Variants in LOC400499 observed in about 807,000 individuals in gnomAD.
the LOC400499 span, among the ~76,000 whole-genome samples, chr16:11,502,704 T>C: frequency 6.6e-6 from 1 of 150,412 alleles, no homozygotes; most frequent in Non-Finnish European, 1.5e-5. Flanking sequence ...AACCTCCACC[T>C]CCTGGGTTCT....
the LOC400499 span, among the ~76,000 whole-genome samples, chr16:11,481,534 G>C: frequency 6.6e-6 from 1 of 152,168 alleles, no homozygotes; most frequent in African/African-American, 2.4e-5. Flanking sequence ...TGATGGCCAG[G>C]CTGGTCTCGA....
the LOC400499 span, chr16:11,402,108 G>C: frequency 2.5e-6 from 1 of 399,148 alleles, no homozygotes; most frequent in Non-Finnish European, 4.4e-6. Context: ...GAGGACAGGC[G>C]GAGGCTGCAG....
the LOC400499 span, among the ~76,000 whole-genome samples, chr16:11,381,816 C>CATGTTCTTCCTTCTTTCCACCCTCTTCG: frequency 6.6e-6 from 1 of 151,980 alleles, no homozygotes; most frequent in Non-Finnish European, 1.5e-5. Context: ...CACCCTCTTC[C>CATGTTCTTCCTTCTTTCCACCCTCTTCG]TTAGCTTTTA....
At chr16:11,465,010 T>C in the LOC400499 span, among the ~76,000 whole-genome samples, 1 of 152,158 alleles carries the variant, frequency 6.6e-6, no homozygotes, top group African/African-American at 2.4e-5. Flanking sequence ...AAGAGGAGAA[T>C]GTATTTTTGC....
At chr16:11,435,401 C>T in the LOC400499 span, among the ~76,000 whole-genome samples, 1 of 152,130 alleles carries the variant, frequency 6.6e-6, no homozygotes, top group African/African-American at 2.4e-5. Context: ...CTCAAGGTGC[C>T]CAGCCCTTTA....
chr16:11,498,607 G>C, the LOC400499 span, among the ~76,000 whole-genome samples: 16 of 151,962 alleles, frequency 1.1e-4, no homozygotes, highest in Non-Finnish European at 1.3e-4. Context: ...CTCTCCCCAG[G>C]CTTCACGAAC....
the LOC400499 span, among the ~76,000 whole-genome samples, chr16:11,506,515 G>T: frequency 7.2e-5 from 11 of 152,138 alleles, no homozygotes; most frequent in African/African-American, 2.2e-4. Flanking sequence ...CCCAAGATTG[G>T]TGATAAGCCA....
chr16:11,391,795 C>T, the LOC400499 span: 1 of 1,232,250 alleles, frequency 8.1e-7, no homozygotes, highest in Non-Finnish European at 1.0e-6. Context: ...TGCATGGCCT[C>T]CCGCCCCGCC....
chr16:11,501,960 G>A, the LOC400499 span: 2 of 396,004 alleles, frequency 5.1e-6, no homozygotes, highest in Non-Finnish European at 8.9e-6. Context: ...AAGGGGACGG[G>A]ATGACGCATC....
At chr16:11,399,195 G>C in the LOC400499 span, 1 of 984,762 alleles carries the variant, frequency 1.0e-6, no homozygotes, top group South Asian at 4.7e-5. Context: ...GCCCCCTCCC[G>C]AGAAGCCCCC....
At chr16:11,437,351 G>T in the LOC400499 span, among the ~76,000 whole-genome samples, 1 of 152,204 alleles carries the variant, frequency 6.6e-6, no homozygotes, top group Non-Finnish European at 1.5e-5. Context: ...TGAAGGCCAG[G>T]AGTTGAGACC....
the LOC400499 span, chr16:11,398,486 G>C: frequency 1.6e-6 from 2 of 1,232,290 alleles, no homozygotes; most frequent in Non-Finnish European, 2.0e-6. Flanking sequence ...TGATGATCTT[G>C]TCTGGCTGAG....
the LOC400499 span, chr16:11,494,473 G>A: frequency 2.6e-6 from 1 of 391,322 alleles, no homozygotes; most frequent in African/African-American, 2.1e-5. Flanking sequence ...AAGGGGCAAA[G>A]GGGGGAACCC....
chr16:11,469,147 A>C, the LOC400499 span: 1 of 399,564 alleles, frequency 2.5e-6, no homozygotes, highest in Non-Finnish European at 4.4e-6. Flanking sequence ...AGGTGCAGAC[A>C]CAGGTGGGCC....
the LOC400499 span, among the ~76,000 whole-genome samples, chr16:11,429,662 C>A: frequency 6.6e-6 from 1 of 151,988 alleles, no homozygotes; most frequent in African/African-American, 2.4e-5. Flanking sequence ...TCAGTAGCGA[C>A]GGGGTTTCAC....
chr16:11,505,796 G>C, the LOC400499 span, among the ~76,000 whole-genome samples: 14 of 151,908 alleles, frequency 9.2e-5, no homozygotes, highest in South Asian at 2.5e-3. Context: ...CAGGGTACCC[G>C]TGAAATAATT....
chr16:11,489,318 G>C, the LOC400499 span, among the ~76,000 whole-genome samples: 3 of 152,210 alleles, frequency 2.0e-5, no homozygotes, highest in African/African-American at 4.8e-5. Flanking sequence ...TGGAACCTTA[G>C]TTTTCTCATC....
At chr16:11,424,388 GACCACTC>G in the LOC400499 span, 1 of 399,306 alleles carries the variant, frequency 2.5e-6, no homozygotes, top group Non-Finnish European at 4.4e-6. Context: ...GAGCCCCAGA[GACCACTC>G]ACCCCAGTCC....
the LOC400499 span, among the ~76,000 whole-genome samples, chr16:11,451,783 T>TG: frequency 6.6e-6 from 1 of 152,128 alleles, no homozygotes. Context: ...ATTTACTGTC[T>TG]GGGGAAACTG....
Sources: allele counts gnomAD v4.1 joint callset (sites outside exome capture counted in the v4.1 genomes callset), GRCh38; gene constraint gnomAD v4.1.1; transcripts MANE v1.5.